The following NPR3 variants were observed in gnomAD, a reference collection of about 807,000 sequenced individuals.
NPR3 encodes atrial natriuretic peptide receptor 3.
A neutral mutation model predicts 54.5 loss-of-function variants in NPR3; 34 were observed. The observed-to-expected ratio is 0.62, with a 90% confidence interval of 0.47 to 0.83. The LOEUF is 0.83. Among genes scored for constraint, NPR3 ranks in the 40% least tolerant of loss-of-function variants. The probability of loss-of-function intolerance (pLI) is 0.00; values close to 1 mark genes in which losing one functional copy is unlikely to be tolerated. For missense variants in NPR3, 674 were observed against 720.8 expected (o/e 0.94, Z 0.74); for synonymous variants, 289 against 297.1 (o/e 0.97, Z 0.28).
intron 3 of NPR3, among the ~76,000 whole-genome samples, chr5:32,747,363 A>G (rs1345803998): frequency 6.6e-6 from 1 of 152,190 alleles, no homozygotes; most frequent in Non-Finnish European, 1.5e-5. Context: ...AAATACATTC[A>G]TAAAATAAAA....
intron 5 of NPR3, among the ~76,000 whole-genome samples, chr5:32,781,461 C>T (rs879467341): frequency 1.2e-4 from 12 of 97,978 alleles, no homozygotes; most frequent in Middle Eastern, 9.8e-3. Context: ...TTTCCTTGAT[C>T]GCTGGCTCCC....
At chr5:32,730,388 C>T (rs1739390325) in intron 2 of NPR3, among the ~76,000 whole-genome samples, 1 of 152,172 alleles carries the variant, frequency 6.6e-6, no homozygotes, top group Non-Finnish European at 1.5e-5. Context: ...TGGTGAAAGA[C>T]TGAATGCTTT....
At position 32,744,135 on chromosome 5, in the gene NPR3, G is replaced by A. The variant is rs376088836; in HGVS notation, c.1059+5105G>A. On this transcript the variant is annotated intron_variant, in intron 3 of 7. Transcript: ENST00000265074. The stretch of plus-strand genomic sequence containing the variant: ...AGCCTCCCAAGTAGCTGAGATTACA[G>A]GCACGTGCCGCCACGCCTGGCTAAT... Among the ~76,000 whole-genome samples the A allele has an allele frequency of 2.9e-4, 44 of 152,028 alleles. 1 individual carries two copies. In the East Asian group the frequency reaches 8.0e-3, roughly 27 times the overall value.
chr5:32,716,470 C>G (rs1463439482), intron 1 of NPR3: 1 of 448,782 alleles, frequency 2.2e-6, no homozygotes, highest in Admixed American at 2.5e-5. Context: ...TGCAAGCTTT[C>G]TTTCCAGTCA....
chr5:32,783,098 C>T, intron 6 of NPR3, 70 bp downstream of exon 6: 1 of 1,445,212 alleles, frequency 6.9e-7, no homozygotes, highest in Non-Finnish European at 9.4e-7. Context: ...AGTTTAAAAC[C>T]CAAGTGTTTC....
At position 32,753,624 on chromosome 5, in the gene NPR3, C is replaced by CTT. The variant is rs70961660; in HGVS notation, c.1059+14619_1059+14620dup. 1.9e-3 allele frequency among the ~76,000 whole-genome samples: 199 copies of CTT among 102,782 alleles called. 5 individuals are homozygous for CTT. The highest frequency in any genetic ancestry group is 3.3e-3 in the Admixed American group (29 of 8,734). 67.4% of individuals were successfully genotyped at this position (102,782 alleles called of 152,430 possible). On this transcript the variant is annotated intron_variant, in intron 3 of 7. Coordinates refer to ENST00000265074, the MANE Select transcript of NPR3 (RefSeq NM_001204375.2). Reference sequence around the variant, plus strand: ...CTGAGCACCTCAGGGTCTCAGCATCCTTTTTTTTTTTTTTTTTTTTTTTTT... The same window carrying CTT: ...CTGAGCACCTCAGGGTCTCAGCATCCTTTTTTTTTTTTTTTTTTTTTTTTTTT...
At chr5:32,774,526 G>GT (rs964211481) in intron 3 of NPR3, among the ~76,000 whole-genome samples, 182 bp from the exon 4 acceptor site, 2 of 152,178 alleles carry the variant, frequency 1.3e-5, no homozygotes, top group African/African-American at 4.8e-5. Flanking sequence ...CTGGGGAAGG[G>GT]TTTTCCCCTC....
chr5:32,789,856 A>C lies in NPR3; in HGVS notation c.*3511A>C, dbSNP rs372140130. 10 of 446,026 alleles carry C rather than the reference A, an allele frequency of 2.2e-5. No individual in the cohort carries two copies. In the East Asian group the frequency reaches 3.4e-4, roughly 15 times the overall value. The allele number at this position is 446,026 out of a possible 1,614,324, so 27.6% of individuals were successfully genotyped here. On this transcript the variant is annotated 3_prime_UTR_variant, in exon 8 of 8. Transcript: ENST00000265074. ...GCCAGTATACACTGGCTATTTGTGG[A>C]AATCTCTTTGGGAGATCAAATAGAG...
chr5:32,720,905 CTTA>C (rs1738822325), intron 1 of NPR3, among the ~76,000 whole-genome samples: 1 of 152,136 alleles, frequency 6.6e-6, no homozygotes, highest in South Asian at 2.1e-4. Context: ...GCTGGTTGTG[CTTA>C]TTATGATAAA....
At chr5:32,779,497 GC>G (rs1263264392) in intron 4 of NPR3, among the ~76,000 whole-genome samples, 1 of 152,188 alleles carries the variant, frequency 6.6e-6, no homozygotes, top group Non-Finnish European at 1.5e-5. Flanking sequence ...CCCCGTTCCA[GC>G]CTTACGTGTC....
intron 2 of NPR3, among the ~76,000 whole-genome samples, chr5:32,732,460 G>A (rs960989280): frequency 6.6e-6 from 1 of 152,106 alleles, no homozygotes; most frequent in Non-Finnish European, 1.5e-5. Context: ...ACTAGCTCTA[G>A]TGACAGGGGA....
upstream of NPR3, chr5:32,710,001 T>C (rs1738128831): frequency 6.6e-6 from 1 of 152,236 alleles, no homozygotes; most frequent in East Asian, 1.9e-4. Flanking sequence ...TATTTAAATG[T>C]GCGGGACTTA....
chr5:32,712,473 A>G lies in NPR3; in HGVS notation c.697A>G (p.Ile233Val). The change falls in exon 1 of 8, where the codon ATC (isoleucine) becomes GTC (valine). Residue 233 changes from isoleucine (I) to valine (V), a missense_variant. By Grantham distance (29) the Ile-to-Val change is conservative. Transcript: ENST00000265074. ...VFQEEGLHTSIYSFDETKDLD... is the reference protein window; with the variant it reads ...VFQEEGLHTSVYSFDETKDLD... ...CCAGGAGGAGGGTTTGCACACGTCCATCTACAGTTTCGACGAGACCAAAGA... is the reference window on the plus strand; with the variant it reads ...CCAGGAGGAGGGTTTGCACACGTCCGTCTACAGTTTCGACGAGACCAAAGA... 6.3e-7 allele frequency: 1 copy of G among 1,593,840 alleles called. No individual in the cohort carries two copies. The highest frequency in any genetic ancestry group is 8.5e-7 in the Non-Finnish European group (1 of 1,171,298).
chr5:32,736,238 AAAAAAAAAAAG>A (rs1739739597), intron 2 of NPR3, among the ~76,000 whole-genome samples: 2 of 148,512 alleles, frequency 1.3e-5, no homozygotes, highest in Admixed American at 1.3e-4. Flanking sequence ...CTCAAAAAAA[AAAAAAAAAAAG>A]AAAAAAAAAA....
chr5:32,702,194 C>G (rs891143474), intron 1 of NPR3, among the ~76,000 whole-genome samples: 10 of 152,180 alleles, frequency 6.6e-5, no homozygotes, highest in African/African-American at 2.4e-4. Context: ...ACCTTAGGAT[C>G]TACCTGGCGC....
At chr5:32,776,864 G>A (rs1218321377) in intron 4 of NPR3, among the ~76,000 whole-genome samples, 1 of 152,152 alleles carries the variant, frequency 6.6e-6, no homozygotes, top group African/African-American at 2.4e-5. Flanking sequence ...TGCCAGGCAA[G>A]GAGGAGTAGG....
Position 32,732,247 on chromosome 5 carries a change from C to CAAAA in NPR3, c.893-6589_893-6586dup, listed in dbSNP as rs34564234. 1.8e-3 allele frequency among the ~76,000 whole-genome samples: 58 copies of CAAAA among 32,984 alleles called. 3 individuals carry two copies. Among genetic ancestry groups the CAAAA allele is most frequent in the African/African-American group, 4.1e-3 (45 of 11,066 alleles). The allele number at this position is 32,984 out of a possible 152,430, so 21.6% of individuals were successfully genotyped here. ...TGGGCGACAGAGCGAGACTCCGTCT[C>CAAAA]AAAAAAAAAAAAAAAAAAAAAAAAA... On this transcript the variant is annotated intron_variant, in intron 2 of 7. Transcript: ENST00000265074.
chr5:32,787,319 C>T lies in NPR3; in HGVS notation c.*974C>T, dbSNP rs1742693015. On this transcript the variant is annotated 3_prime_UTR_variant, in exon 8 of 8. Transcript: ENST00000265074. ...CTACAGGAATACATCAACATTTTAA[C>T]TCTTTTGCGTTTTTACTGTTTAACT... 1 of 152,230 alleles carries T rather than the reference C, an allele frequency of 6.6e-6. No individual in the cohort carries two copies. Among genetic ancestry groups the T allele is most frequent in the Non-Finnish European group, 1.5e-5 (1 of 68,034 alleles). 9.4% of individuals were successfully genotyped at this position (152,230 alleles called of 1,614,324 possible).
chr5:32,782,721 G>T (rs1742402830), intron 5 of NPR3, among the ~76,000 whole-genome samples, 172 bp from the exon 6 acceptor site: 1 of 152,184 alleles, frequency 6.6e-6, no homozygotes, highest in Admixed American at 6.5e-5. Flanking sequence ...AATGTACCAC[G>T]CTTTTCTGAA....
Sources: allele counts gnomAD v4.1 joint callset (sites outside exome capture counted in the v4.1 genomes callset), GRCh38; gene constraint gnomAD v4.1.1; transcripts MANE v1.5; gene names NCBI Gene and HGNC (gene_info 2026-07-23, HGNC 2026-07-21).